The following CASP9 variants were observed in gnomAD, a reference collection of about 807,000 sequenced individuals.
CASP9 encodes caspase-9.
In CASP9, 29 loss-of-function variants were observed where a neutral mutation model predicts 43.5. The ratio of observed to expected loss-of-function variants is 0.67; its 90% confidence interval spans 0.50 to 0.91. CASP9 has a LOEUF of 0.91. Ranked by LOEUF, CASP9 falls within the 40% of genes least tolerant of loss-of-function variation. The pLI is 0.00. For synonymous variants in CASP9, 206 were observed against 211.9 expected (o/e 0.97, Z 0.24); for missense variants, 575 against 537.4 (o/e 1.07, Z -0.69).
chr1:15,519,484 C>T (rs1299374925), intron 1 of CASP9, among the ~76,000 whole-genome samples: 1 of 152,092 alleles, frequency 6.6e-6, no homozygotes, highest in Non-Finnish European at 1.5e-5. Flanking sequence ...GCCCGGCCAC[C>T]AAAGAGTTTT....
upstream of CASP9, chr1:15,524,654 C>G (rs897442240): frequency 2.8e-6 from 3 of 1,061,858 alleles, no homozygotes; most frequent in Non-Finnish European, 3.4e-6. Flanking sequence ...CGCCCCGCCC[C>G]AAGGATTCGC....
intron 2 of CASP9, among the ~76,000 whole-genome samples, chr1:15,509,460 C>CAAAA (rs563284288): frequency 0.013 from 1,343 of 105,584 alleles, 4 homozygotes; most frequent in Non-Finnish European, 0.019. Flanking sequence ...ACTAAAAATA[C>CAAAA]AAAAAAAAAA....
At chr1:15,497,591 C>T (rs1416082090) in intron 6 of CASP9, among the ~76,000 whole-genome samples, 5 of 150,442 alleles carry the variant, frequency 3.3e-5, no homozygotes, top group East Asian at 1.9e-4. Context: ...TGCAGTGAGC[C>T]GAGATGGCGC....
upstream of CASP9, chr1:15,524,359 G>A: frequency 7.2e-7 from 1 of 1,390,786 alleles, no homozygotes; most frequent in Non-Finnish European, 9.2e-7. Context: ...CATCTCCAAG[G>A]CCTCGCCCCG....
rs765832995 is a variant in CASP9, at chr1:15,492,364, A to G, written c.*579T>C. On this transcript the variant is annotated 3_prime_UTR_variant, in exon 9 of 9. Coordinates refer to ENST00000333868, the MANE Select transcript of CASP9 (RefSeq NM_001229.5). ...AAATTTCACTTAGAATTCATAGATT[A>G]CAGCTGTTCAGACTCTAGTAGGCCC... 3.9e-5 allele frequency: 6 copies of G among 152,330 alleles called. No homozygotes were observed. Among genetic ancestry groups the G allele is most frequent in the African/African-American group, 1.4e-4 (6 of 41,462 alleles). 9.4% of individuals were successfully genotyped at this position (152,330 alleles called of 1,614,324 possible).
chr1:15,493,974 C>T lies in CASP9; in HGVS notation c.1076G>A (p.Ser359Asn), dbSNP rs1230775959. Residue 359 changes from serine to asparagine, a missense_variant, in exon 8 of 9, where the codon AGT becomes AAT. Transcript: ENST00000333868. ...CAGGGTCTCAACGTACCAGGAGCCA[C>T]TCTTGGGGTCCCTCCAGGAAACAAA... ...PGFVSWRDPK[S>N]GSWYVETLDD... The T allele has an allele frequency of 6.2e-7, 1 of 1,600,322 alleles. No homozygotes were observed. The highest frequency in any genetic ancestry group is 1.3e-5 in the African/African-American group (1 of 74,754).
chr1:15,507,217 A>G (rs553628018), intron 3 of CASP9, 142 bp from the exon 4 acceptor site: 159 of 824,050 alleles, frequency 1.9e-4, no homozygotes, highest in Admixed American at 5.6e-4. Flanking sequence ...GGCAAAAGAG[A>G]AGCAACTGCA....
chr1:15,492,797 C>A lies in CASP9; in HGVS notation c.*146G>T. On this transcript the variant is annotated 3_prime_UTR_variant, in exon 9 of 9. Coordinates refer to ENST00000333868, the MANE Select transcript of CASP9 (RefSeq NM_001229.5). ...TCGTCAATCTGGAAGCTGCTAAGAG[C>A]CTGTCTGTCACTGGCAGAGAAAGAG... 9.0e-7 allele frequency: 1 copy of A among 1,117,118 alleles called. No homozygotes were observed. Among genetic ancestry groups the A allele is most frequent in the Non-Finnish European group, 1.3e-6 (1 of 784,818 alleles). The allele number at this position is 1,117,118 out of a possible 1,614,324, so 69.2% of individuals were successfully genotyped here. A position where few individuals can be genotyped will look rare whatever the true frequency, so the allele number is the denominator to read the frequency against.
Position 15,513,438 on chromosome 1 carries a change from C to T in CASP9, c.418+4672G>A, listed in dbSNP as rs1262128769. Among the ~76,000 whole-genome samples the T allele has an allele frequency of 2.6e-5, 4 of 152,124 alleles. No homozygotes were observed. The East Asian group carries it at 7.7e-4, about 29-fold the overall frequency. ...AGCAGTTACACACAAGGCATCACGT[C>T]TGAAACTAAGAAAGTTCCTTCCATT... is the stretch of plus-strand genomic sequence containing the variant. On this transcript the variant is annotated intron_variant, in intron 2 of 8. Coordinates refer to ENST00000333868, the MANE Select transcript of CASP9 (RefSeq NM_001229.5).
chr1:15,524,177 G>C lies in CASP9; in HGVS notation c.24C>G (p.Leu8=). The change falls in exon 1 of 9, where the codon CTC becomes CTG. Residue 8 remains leucine, a synonymous_variant. Coordinates refer to ENST00000333868, the MANE Select transcript of CASP9 (RefSeq NM_001229.5). The part of the protein sequence containing the change: MDEADRR[L]LRRCRLRLVE... Reference sequence around the variant, plus strand: ...CCAGCCGCAGCCGGCACCGCCGCAGGAGCCGCCGATCCGCTTCGTCCATGG... The same window carrying C: ...CCAGCCGCAGCCGGCACCGCCGCAGCAGCCGCCGATCCGCTTCGTCCATGG... 6.5e-7 allele frequency: 1 copy of C among 1,543,706 alleles called. No individual in the cohort carries two copies. The highest frequency in any genetic ancestry group is 8.7e-7 in the Non-Finnish European group (1 of 1,149,516).
chr1:15,510,383 A>G (rs1258758784), intron 2 of CASP9, among the ~76,000 whole-genome samples: 5 of 152,186 alleles, frequency 3.3e-5, no homozygotes, highest in African/African-American at 1.2e-4. Context: ...AAGCACTCAC[A>G]TCCCATTCAC....
rs558509944 is a variant in CASP9, at chr1:15,523,363, GGTAA to G, written c.132+702_132+705del. ...AGCCCAGAAACTGTGGCTCAAAGAG[GGTAA>G]GTGACTGGCCCAAGAACACGCTGCC... On this transcript the variant is annotated intron_variant, in intron 1 of 8. Coordinates refer to ENST00000333868, the MANE Select transcript of CASP9 (RefSeq NM_001229.5). 5.9e-3 allele frequency among the ~76,000 whole-genome samples: 897 copies of G among 152,304 alleles called. 1 individual carries two copies. Among genetic ancestry groups the G allele is most frequent in the Non-Finnish European group, 9.1e-3 (616 of 68,026 alleles).
At chr1:15,516,870 G>A (rs555610606) in intron 2 of CASP9, among the ~76,000 whole-genome samples, 81 of 152,298 alleles carry the variant, frequency 5.3e-4, no homozygotes, top group Non-Finnish European at 1.0e-3. Flanking sequence ...AGGTAAGCCC[G>A]GGCTGCAGCC....
chr1:15,515,979 A>G (rs1709931586), intron 2 of CASP9, among the ~76,000 whole-genome samples: 1 of 152,096 alleles, frequency 6.6e-6, no homozygotes, highest in African/African-American at 2.4e-5. Flanking sequence ...AGGCAGGTGG[A>G]TCACTTGAGG....
upstream of CASP9, chr1:15,524,269 C>T: frequency 6.6e-7 from 1 of 1,507,500 alleles, no homozygotes; most frequent in Non-Finnish European, 8.8e-7. Context: ...CGCCCCAGTC[C>T]CCAGGACCCG....
intron 2 of CASP9, among the ~76,000 whole-genome samples, chr1:15,511,932 A>C (rs2103361335): frequency 6.6e-6 from 1 of 152,132 alleles, no homozygotes; most frequent in East Asian, 1.9e-4. Flanking sequence ...AGAAGGAAGC[A>C]GAGCTGACCA....
intron 7 of CASP9, 150 bp from the exon 8 acceptor site, chr1:15,494,151 G>A: frequency 2.3e-6 from 2 of 872,102 alleles, no homozygotes; most frequent in Non-Finnish European, 3.5e-6. Context: ...CTGAGGCTCT[G>A]CCCTAATCAT....
At chr1:15,518,961 A>C (rs1206208095) in intron 1 of CASP9, among the ~76,000 whole-genome samples, 1 of 151,642 alleles carries the variant, frequency 6.6e-6, no homozygotes, top group African/African-American at 2.4e-5. Flanking sequence ...TGCAACCTCC[A>C]ACTCCAAGGT....
chr1:15,512,114 G>C (rs1709776970), intron 2 of CASP9, among the ~76,000 whole-genome samples: 1 of 152,186 alleles, frequency 6.6e-6, no homozygotes, highest in Non-Finnish European at 1.5e-5. Context: ...GGTGAGCACA[G>C]CCACCAGCCC....
Sources: gnomAD v4.1 joint callset for allele counts (sites outside exome capture counted in the v4.1 genomes callset) on GRCh38, gnomAD v4.1.1 for gene constraint, MANE v1.5 for transcripts, NCBI Gene and HGNC (gene_info 2026-07-23, HGNC 2026-07-21) for gene names.